Variants in TCERG1L observed in about 807,000 individuals in gnomAD.
TCERG1L encodes transcription elongation regulator 1 like, also known as transcription elongation regulator 1-like protein.
TCERG1L carries 37 observed loss-of-function variants against 56.3 expected under a neutral mutation model. The ratio of observed to expected loss-of-function variants is 0.66; its 90% CI spans 0.51 to 0.87. The LOEUF is 0.87. TCERG1L is among the 40% of genes least tolerant of loss of function. The probability of loss-of-function intolerance (pLI) is 0.00; values close to 1 mark genes in which losing one functional copy is unlikely to be tolerated. For synonymous variants in TCERG1L, 324 were observed against 326.3 expected (o/e 0.99, Z 0.08); for missense variants, 799 against 774.2 (o/e 1.03, Z -0.38).
intron 9 of TCERG1L, among the ~76,000 whole-genome samples, chr10:131,115,683 C>T (rs1845453588): frequency 6.6e-6 from 1 of 152,020 alleles, no homozygotes; most frequent in Admixed American, 6.5e-5. Context: ...CAGGTGCACA[C>T]ATTCAAATTC....
At chr10:131,185,488 T>C (rs760199259) in intron 4 of TCERG1L, among the ~76,000 whole-genome samples, 4 of 152,134 alleles carry the variant, frequency 2.6e-5, no homozygotes, top group African/African-American at 4.8e-5. Flanking sequence ...ATGTATCTGA[T>C]AAAGGCCTGG....
intron 4 of TCERG1L, among the ~76,000 whole-genome samples, chr10:131,227,874 G>A (rs961232917): frequency 6.6e-6 from 1 of 152,128 alleles, no homozygotes; most frequent in African/African-American, 2.4e-5. Flanking sequence ...TGACCTGAGC[G>A]CAACTATCTT....
chr10:131,212,694 A>G (rs757935823), intron 4 of TCERG1L, among the ~76,000 whole-genome samples: 1 of 152,252 alleles, frequency 6.6e-6, no homozygotes, highest in African/African-American at 2.4e-5. Flanking sequence ...TCAACCTGAG[A>G]CTACCAAATT....
intron 4 of TCERG1L, among the ~76,000 whole-genome samples, chr10:131,245,428 C>A (rs1046887073): frequency 1.3e-5 from 2 of 150,608 alleles, no homozygotes; most frequent in Admixed American, 1.3e-4. Context: ...TTTAAAAAAA[C>A]TGAGAAGTTG....
In TCERG1L at chr10:131,103,551, C is replaced by T. The variant is rs1003752410; in HGVS notation, c.1485+714G>A. 1.4e-4 allele frequency among the ~76,000 whole-genome samples: 21 copies of T among 152,212 alleles called. No homozygotes were observed. Among genetic ancestry groups the T allele is most frequent in the African/African-American group, 4.8e-4 (20 of 41,522 alleles). On this transcript the variant is annotated intron_variant, in intron 10 of 11. Transcript: ENST00000368642. This position sits in a 1 kb window ranked among gnomAD's most constrained non-coding sequence, Gnocchi z 4.3. ...ACAAAAAGTACAAAAATTAGCCAGG[C>T]GTGGTGGCTGGAGCCTGTAGTCTCA...
chr10:131,264,666 T>C (rs1846268066), intron 3 of TCERG1L, among the ~76,000 whole-genome samples: 1 of 152,318 alleles, frequency 6.6e-6, no homozygotes, highest in African/African-American at 2.4e-5. Context: ...CACCCCTATC[T>C]TGGGGACACC....
rs79042888 is a variant in TCERG1L at position 131,276,435 on chromosome 10, C to T, written c.671-15991G>A. ...TTCTTTAATGCATTAAGCAAAACTC[C>T]GCTGTTTATCATCAGGCAGCTGTTT... On this transcript the variant is annotated intron_variant, in intron 3 of 11. Coordinates refer to ENST00000368642, the MANE Select transcript of TCERG1L (RefSeq NM_174937.4). 4.5e-3 allele frequency among the ~76,000 whole-genome samples: 686 copies of T among 152,278 alleles called. 7 individuals are homozygous for T. Among genetic ancestry groups the T allele is most frequent in the African/African-American group, 0.015 (639 of 41,562 alleles).
At chr10:131,258,862 T>G (rs1846203579) in intron 4 of TCERG1L, among the ~76,000 whole-genome samples, 1 of 152,210 alleles carries the variant, frequency 6.6e-6, no homozygotes, top group Non-Finnish European at 1.5e-5. Context: ...GCCCCTGAGG[T>G]ACACAGCTTT....
At chr10:131,309,822 T>C (rs954261294) in intron 1 of TCERG1L, among the ~76,000 whole-genome samples, 17 of 81,792 alleles carry the variant, frequency 2.1e-4, no homozygotes, top group African/African-American at 6.5e-4. Context: ...CCAATACAAA[T>C]AGATTCTATG....
chr10:131,152,609 C>T (rs899517024), intron 6 of TCERG1L, among the ~76,000 whole-genome samples: 2 of 152,218 alleles, frequency 1.3e-5, no homozygotes, highest in African/African-American at 2.4e-5. Context: ...ACTGTTCCAA[C>T]CTCTTCTGCT....
chr10:131,301,521 C>T (rs1316937811), intron 3 of TCERG1L, among the ~76,000 whole-genome samples: 1 of 151,902 alleles, frequency 6.6e-6, no homozygotes, highest in African/African-American at 2.4e-5. Flanking sequence ...TTATCACTTA[C>T]CTGAGAAAAT....
Position 131,305,275 on chromosome 10 carries a change from G to A in TCERG1L, c.670+2936C>T, listed in dbSNP as rs763779687. On this transcript the variant is annotated intron_variant, in intron 3 of 11. Transcript: ENST00000368642. ...TTTACAACAGAGCGTGATAACAGGC[G>A]ACCATCATCCTCCTGGTCACGAATG... Among the ~76,000 whole-genome samples, 239 of 152,176 alleles carry A rather than the reference G, an allele frequency of 1.6e-3. 2 individuals carry two copies. Among genetic ancestry groups the A allele is most frequent in the Admixed American group, 2.7e-3 (41 of 15,290 alleles).
chr10:131,161,443 G>C (rs1401838996), intron 6 of TCERG1L: 1 of 152,248 alleles, frequency 6.6e-6, no homozygotes, highest in Admixed American at 6.5e-5. Flanking sequence ...CTTTGTTCCA[G>C]ATTCCTGACA....
intron 4 of TCERG1L, among the ~76,000 whole-genome samples, chr10:131,234,849 G>A (rs532345785): frequency 3.3e-5 from 5 of 152,276 alleles, no homozygotes; most frequent in South Asian, 2.1e-4. Context: ...GACTACAGGC[G>A]TGCGCCACCA....
chr10:131,208,203 G>T (rs1418765517), intron 4 of TCERG1L, among the ~76,000 whole-genome samples: 7 of 152,198 alleles, frequency 4.6e-5, no homozygotes, highest in Non-Finnish European at 1.5e-5. Context: ...GTTCCTCCAG[G>T]GGAAAGCTTC....
chr10:131,095,711 T>C (rs1325707379), intron 11 of TCERG1L: 1 of 152,226 alleles, frequency 6.6e-6, no homozygotes, highest in African/African-American at 2.4e-5. Flanking sequence ...GCATCTTATC[T>C]CTATGTGCCC....
At chr10:131,213,734 C>T (rs1305702707) in intron 4 of TCERG1L, among the ~76,000 whole-genome samples, 1 of 152,246 alleles carries the variant, frequency 6.6e-6, no homozygotes, top group Non-Finnish European at 1.5e-5. Flanking sequence ...CCTGTGTTTG[C>T]TGAAGGGACT....
chr10:131,147,612 GC>G lies in TCERG1L; in HGVS notation c.1035-953del, dbSNP rs1185949276. Among the ~76,000 whole-genome samples the G allele has an allele frequency of 2.6e-5, 4 of 152,252 alleles. No homozygotes were observed. The East Asian group carries it at 7.7e-4, about 29-fold the overall frequency. Reference sequence around the variant, plus strand: ...CTCCCAGGAGGTTCCCCTGGGGCAAGCCCCCTCCCCTCTCTGGGCCTCGGCT... The same window carrying G: ...CTCCCAGGAGGTTCCCCTGGGGCAAGCCCCTCCCCTCTCTGGGCCTCGGCT... On this transcript the variant is annotated intron_variant, in intron 6 of 11. Transcript: ENST00000368642.
At position 131,179,444 on chromosome 10, in the gene TCERG1L, G is replaced by T. The variant is rs548442035; in HGVS notation, c.857-12559C>A. On this transcript the variant is annotated intron_variant, in intron 4 of 11. Coordinates refer to ENST00000368642, the MANE Select transcript of TCERG1L (RefSeq NM_174937.4). Reference sequence around the variant, plus strand: ...TGCCCCGCAGGGCACCACATCCCACGTGAGGCTGGTCTGCAGAACACAGCC... The same window carrying T: ...TGCCCCGCAGGGCACCACATCCCACTTGAGGCTGGTCTGCAGAACACAGCC... 1.8e-4 allele frequency among the ~76,000 whole-genome samples: 27 copies of T among 152,302 alleles called. No individual in the cohort carries two copies. The South Asian group carries it at 5.4e-3, about 30-fold the overall frequency.
Sources: gnomAD v4.1 joint callset for allele counts (sites outside exome capture counted in the v4.1 genomes callset) on GRCh38, gnomAD v4.1.1 for gene constraint, Gnocchi (gnomAD v3.1) non-coding constraint, MANE v1.5 for transcripts, NCBI Gene and HGNC (gene_info 2026-07-23, HGNC 2026-07-21) for gene names.